ZNF43: variants seen among roughly 807,000 people sequenced by gnomAD.
ZNF43 encodes the protein zinc finger protein 39-like 1 (KOX 27).
ZNF43 carries 44 observed loss-of-function variants against 68.4 expected under a neutral mutation model. The observed-to-expected ratio is 0.64, with a 90% confidence interval of 0.51 to 0.83. The LOEUF (loss-of-function observed/expected upper bound fraction) is 0.83, where lower values mean the gene tolerates loss of function less well. Among genes scored for constraint, ZNF43 ranks in the 40% least tolerant of loss-of-function variants. The pLI is 0.00. For missense variants in ZNF43, 896 were observed against 933.2 expected (o/e 0.96, Z 0.52); for synonymous variants, 308 against 307.8 (o/e 1.00, Z -0.01).
At chr19:21,844,921 A>AATATATATATATATAT (rs1181354510) in intron 1 of ZNF43, among the ~76,000 whole-genome samples, 38 of 26,030 alleles carry the variant, frequency 1.5e-3, no homozygotes, top group African/African-American at 4.4e-3. Flanking sequence ...AAAAAAAAAA[A>AATATATATATATATAT]ATATATATAT....
At chr19:21,850,081 T>C (rs147754093) in intron 1 of ZNF43, 116 of 152,164 alleles carry the variant, frequency 7.6e-4, no homozygotes, top group African/African-American at 2.6e-3. Flanking sequence ...CAGAGTCACA[T>C]CACCTGGGTG....
chr19:21,805,873 G>A lies in ZNF43; in HGVS notation c.*1734C>T, dbSNP rs1466200477. On this transcript the variant is annotated 3_prime_UTR_variant, in exon 4 of 4. Transcript: ENST00000354959. ...TACCATCTTTTACATACACTCTTGA[G>A]TAAGGTGAAATAGGTTAAAGTTAGA... The A allele has an allele frequency of 6.6e-6, 1 of 151,942 alleles. No homozygotes were observed. The highest frequency in any genetic ancestry group is 1.5e-5 in the Non-Finnish European group (1 of 67,988). The allele number at this position is 151,942 out of a possible 1,614,324, so 9.4% of individuals were successfully genotyped here.
At position 21,805,774 on chromosome 19, in the gene ZNF43, T is replaced by C. The variant is rs528424689; in HGVS notation, c.*1833A>G. 6.6e-6 allele frequency: 1 copy of C among 152,294 alleles called. No individual in the cohort carries two copies. The highest frequency in any genetic ancestry group is 2.4e-5 in the African/African-American group (1 of 41,566). The allele number at this position is 152,294 out of a possible 1,614,324, so 9.4% of individuals were successfully genotyped here. A position where few individuals can be genotyped will look rare whatever the true frequency, so the allele number is the denominator to read the frequency against. ...CTATAGAAAAATATTCTTTAACTTA[T>C]TTGCAGTTGAAAGCCACTGGTGAAA... On this transcript the variant is annotated 3_prime_UTR_variant, in exon 4 of 4. Transcript: ENST00000354959.
intron 1 of ZNF43, among the ~76,000 whole-genome samples, chr19:21,851,550 A>AG (rs1303106818): frequency 1.3e-5 from 2 of 151,058 alleles, no homozygotes; most frequent in African/African-American, 2.4e-5. Flanking sequence ...AAAAAAAAAA[A>AG]AAAAAAAAAA....
chr19:21,838,013 C>G (rs1287286601), upstream of ZNF43: 1 of 152,146 alleles, frequency 6.6e-6, no homozygotes, highest in Non-Finnish European at 1.5e-5. Context: ...ACAATTTAGT[C>G]TGGCTCAGTG....
In ZNF43 at chr19:21,836,132, G is replaced by A. The variant is rs1189146630; in HGVS notation, c.-94C>T. Reference sequence around the variant, plus strand: ...CAGAGGCTGGACCTCTAGCAGCAGAGGACACAGAAGAACGAAGACGAGACG... The same window carrying A: ...CAGAGGCTGGACCTCTAGCAGCAGAAGACACAGAAGAACGAAGACGAGACG... On this transcript the variant is annotated 5_prime_UTR_variant, in exon 1 of 4. Transcript: ENST00000354959. 27 of 1,598,772 alleles carry A rather than the reference G, an allele frequency of 1.7e-5. 1 individual carries two copies. In the South Asian group the frequency reaches 2.3e-4, roughly 14 times the overall value.
chr19:21,808,400 G>T lies in ZNF43; in HGVS notation c.1637C>A (p.Ala546Asp). ...GGTAAGGATTGAGAAATGGTTAAAAGCTTTGCCACATTCTTCACATTTGTA... is the reference window on the plus strand; with the variant it reads ...GGTAAGGATTGAGAAATGGTTAAAATCTTTGCCACATTCTTCACATTTGTA... ...KPYKCEECGK[A>D]FNHFSILTKH... The change falls in exon 4 of 4, where the codon GCT becomes GAT. Residue 546 changes from alanine (A) to aspartate (D), a missense_variant. Ala to Asp is a moderately radical substitution (Grantham distance 126). Transcript: ENST00000354959. The T allele has an allele frequency of 2.5e-6, 4 of 1,612,944 alleles. No homozygotes were observed. The highest frequency in any genetic ancestry group is 3.4e-6 in the Non-Finnish European group (4 of 1,179,866).
chr19:21,851,840 A>C (rs1968394311), intron 1 of ZNF43: 2 of 1,500,654 alleles, frequency 1.3e-6, no homozygotes, highest in East Asian at 5.1e-5. Flanking sequence ...GACTGTGAGG[A>C]GGCCGGTCCC....
At chr19:21,813,059 A>G (rs970783439) in intron 3 of ZNF43, among the ~76,000 whole-genome samples, 1 of 152,122 alleles carries the variant, frequency 6.6e-6, no homozygotes, top group African/African-American at 2.4e-5. Flanking sequence ...CCTGATCAAC[A>G]TGGAATAACT....
At chr19:21,820,239 T>TATATTA (rs2037746576) in intron 1 of ZNF43, among the ~76,000 whole-genome samples, 1 of 133,508 alleles carries the variant, frequency 7.5e-6, no homozygotes, top group African/African-American at 3.3e-5. Flanking sequence ...AATATATACA[T>TATATTA]ATATATTAAT....
chr19:21,815,412 G>A lies in ZNF43; in HGVS notation c.229+2476C>T, dbSNP rs1474886817. On this transcript the variant is annotated intron_variant, in intron 3 of 3. Coordinates refer to ENST00000354959, the MANE Select transcript of ZNF43 (RefSeq NM_003423.4). ...ATAGATAATTTTTATATTTTAAGTA[G>A]ATGCTATACTTACAAAAAATGAAAC... Among the ~76,000 whole-genome samples the A allele has an allele frequency of 2.7e-5, 4 of 150,238 alleles. No individual in the cohort carries two copies. The East Asian group carries it at 5.9e-4, about 22-fold the overall frequency.
At chr19:21,812,374 A>G (rs975220752) in intron 3 of ZNF43, among the ~76,000 whole-genome samples, 1 of 152,196 alleles carries the variant, frequency 6.6e-6, no homozygotes, top group Non-Finnish European at 1.5e-5. Flanking sequence ...TCAGCCTCCC[A>G]AAGTGCTGGG....
At chr19:21,832,338 G>A (rs772515838) in intron 1 of ZNF43, among the ~76,000 whole-genome samples, 12 of 152,112 alleles carry the variant, frequency 7.9e-5, no homozygotes, top group Non-Finnish European at 1.6e-4. Flanking sequence ...GTAGAAAACT[G>A]AAACTGGATG....
intron 3 of ZNF43, chr19:21,811,958 A>T: frequency 2.5e-6 from 1 of 397,190 alleles, no homozygotes; most frequent in Non-Finnish European, 4.4e-6. Context: ...ACAACCTTAA[A>T]TGCATGAACA....
intron 1 of ZNF43, chr19:21,845,629 C>G (rs1170243876): frequency 6.6e-6 from 1 of 152,138 alleles, no homozygotes; most frequent in East Asian, 1.9e-4. Context: ...CGCAGTGGCT[C>G]ACGCCTGTAA....
At chr19:21,850,752 A>C (rs1968293533) in intron 1 of ZNF43, among the ~76,000 whole-genome samples, 1 of 152,054 alleles carries the variant, frequency 6.6e-6, no homozygotes, top group Non-Finnish European at 1.5e-5. Context: ...AAGAAAAAAG[A>C]CTCCCATCAC....
At chr19:21,816,826 G>A (rs2037552334) in intron 3 of ZNF43, among the ~76,000 whole-genome samples, 1 of 151,578 alleles carries the variant, frequency 6.6e-6, no homozygotes, top group South Asian at 2.1e-4. Flanking sequence ...CTAGTGTTCT[G>A]CCCTACAGAG....
chr19:21,826,323 T>C (rs569863524), intron 1 of ZNF43, among the ~76,000 whole-genome samples: 157 of 152,274 alleles, frequency 1.0e-3, no homozygotes, highest in Non-Finnish European at 2.0e-3. Flanking sequence ...CAAGACAGTG[T>C]TTGGAAATGG....
chr19:21,849,236 C>T (rs1182197510), intron 1 of ZNF43, among the ~76,000 whole-genome samples: 2 of 152,028 alleles, frequency 1.3e-5, no homozygotes, highest in Non-Finnish European at 1.5e-5. Flanking sequence ...CGCCTGTAAC[C>T]CCAGCACTTT....
Sources: allele counts gnomAD v4.1 joint callset (sites outside exome capture counted in the v4.1 genomes callset), GRCh38; gene constraint gnomAD v4.1.1; transcripts MANE v1.5; gene names NCBI Gene and HGNC (gene_info 2026-07-23, HGNC 2026-07-21).